FAM178B: variants seen among roughly 807,000 people sequenced by gnomAD.
FAM178B encodes the protein protein FAM178B.
A neutral mutation model predicts 91.7 loss-of-function variants in FAM178B; 82 were observed. The ratio of observed to expected loss-of-function variants is 0.89; its 90% CI spans 0.75 to 1.07. The LOEUF is 1.07. Ranked by LOEUF, FAM178B falls within the 50% of genes least tolerant of loss-of-function variation. The pLI is 0.00. For missense variants in FAM178B, 769 were observed against 846.7 expected, an observed-to-expected ratio of 0.91 and a Z score of 1.14; for synonymous variants, 368 against 359.4, an observed-to-expected ratio of 1.02 and a Z score of -0.27.
At chr2:96,894,558 A>C (rs1574204440) in intron 13 of FAM178B, among the ~76,000 whole-genome samples, 1 of 51,826 alleles carries the variant, frequency 1.9e-5, no homozygotes, top group East Asian at 7.7e-4. Flanking sequence ...CCAGACCCCC[A>C]CACACCCCCA....
intron 4 of FAM178B, among the ~76,000 whole-genome samples, chr2:96,969,813 G>A (rs554542767): frequency 5.9e-5 from 9 of 152,216 alleles, no homozygotes; most frequent in Non-Finnish European, 7.3e-5. Flanking sequence ...ACTCCAGGGC[G>A]GGCCAGAGGG....
chr2:96,883,167 A>G (rs1040925813), intron 14 of FAM178B, among the ~76,000 whole-genome samples: 17 of 152,206 alleles, frequency 1.1e-4, no homozygotes, highest in Non-Finnish European at 2.5e-4. Context: ...AGAGGAAGGG[A>G]GGTCAGCATC....
chr2:96,887,215 A>AAACAACAACAACAAC (rs36102912), intron 14 of FAM178B, among the ~76,000 whole-genome samples: 1 of 150,948 alleles, frequency 6.6e-6, no homozygotes, highest in African/African-American at 2.4e-5. Context: ...ACTCTATCTC[A>AAACAACAACAACAAC]AACAACAACA....
intron 6 of FAM178B, among the ~76,000 whole-genome samples, chr2:96,953,811 A>G (rs2081962414): frequency 1.3e-5 from 2 of 152,310 alleles, no homozygotes; most frequent in East Asian, 1.9e-4. Flanking sequence ...CACGCCCTTC[A>G]GGTTATCACA....
Position 96,986,557 on chromosome 2 carries a change from C to G in FAM178B, c.-244G>C. 1 of 511,390 alleles carries G rather than the reference C, an allele frequency of 2.0e-6. No homozygotes were observed. 31.7% of individuals were successfully genotyped at this position (511,390 alleles called of 1,614,324 possible). A position where few individuals can be genotyped will look rare whatever the true frequency, so the allele number is the denominator to read the frequency against. ...AGCTCACAGCCGCCGCCGCCGCCAGCTGGGGAGCTCGCCGGCCAAGTGCGC... is the reference window on the plus strand; with the variant it reads ...AGCTCACAGCCGCCGCCGCCGCCAGGTGGGGAGCTCGCCGGCCAAGTGCGC... On this transcript the variant is annotated 5_prime_UTR_variant, in exon 1 of 17. Coordinates refer to ENST00000490605, the MANE Select transcript of FAM178B (RefSeq NM_001122646.3).
Position 96,876,223 on chromosome 2 carries a change from C to T in FAM178B, c.*53G>A. On this transcript the variant is annotated 3_prime_UTR_variant, in exon 17 of 17. Coordinates refer to ENST00000490605, the MANE Select transcript of FAM178B (RefSeq NM_001122646.3). Reference sequence around the variant, plus strand: ...CTTCGCTTCCTCCAGTTCCCTGAGCCTGTTCACTTCCTGCTGAAGCCAGGA... The same window carrying T: ...CTTCGCTTCCTCCAGTTCCCTGAGCTTGTTCACTTCCTGCTGAAGCCAGGA... 1 of 1,570,472 alleles carries T rather than the reference C, an allele frequency of 6.4e-7. No homozygotes were observed. Among genetic ancestry groups the T allele is most frequent in the African/African-American group, 1.3e-5 (1 of 74,388 alleles).
chr2:96,986,037 A>G (rs2153376786), intron 1 of FAM178B, among the ~76,000 whole-genome samples: 1 of 152,366 alleles, frequency 6.6e-6, no homozygotes, highest in East Asian at 1.9e-4. Flanking sequence ...CCGGCCGCGC[A>G]GTGGCCTGTG....
At chr2:96,926,318 G>T (rs2081437492) in intron 9 of FAM178B, among the ~76,000 whole-genome samples, 1 of 152,004 alleles carries the variant, frequency 6.6e-6, no homozygotes, top group Non-Finnish European at 1.5e-5. Flanking sequence ...AAAAAGAAAA[G>T]AAAACCAAGT....
At chr2:96,898,147 T>C (rs576577990) in intron 13 of FAM178B, 2 of 980,532 alleles carry the variant, frequency 2.0e-6, no homozygotes, top group South Asian at 9.4e-5. Context: ...CCTTTTACAG[T>C]GAATCGATTG....
chr2:96,892,154 G>A (rs562113527), intron 14 of FAM178B, among the ~76,000 whole-genome samples: 2 of 152,302 alleles, frequency 1.3e-5, no homozygotes, highest in East Asian at 1.9e-4. Context: ...TGGGAGTGGA[G>A]CCCAGTCACC....
chr2:96,958,769 C>G (rs1023448199), intron 6 of FAM178B, among the ~76,000 whole-genome samples: 9 of 124,398 alleles, frequency 7.2e-5, no homozygotes, highest in Non-Finnish European at 1.5e-4. Context: ...CTGATATTAG[C>G]ACTATTAAGA....
At chr2:96,886,587 C>T (rs1415111581) in intron 14 of FAM178B, among the ~76,000 whole-genome samples, 2 of 152,192 alleles carry the variant, frequency 1.3e-5, no homozygotes, top group African/African-American at 4.8e-5. Context: ...CCTTGGGTCC[C>T]TCTAAGTCTG....
intron 12 of FAM178B, among the ~76,000 whole-genome samples, chr2:96,913,779 G>C (rs1221318307): frequency 6.6e-6 from 1 of 152,218 alleles, no homozygotes; most frequent in Non-Finnish European, 1.5e-5. Flanking sequence ...GTGTGGAGCA[G>C]CAGGGTCCCT....
intron 14 of FAM178B, among the ~76,000 whole-genome samples, chr2:96,883,147 G>A (rs1326106226): frequency 6.6e-6 from 1 of 152,208 alleles, no homozygotes; most frequent in African/African-American, 2.4e-5. Flanking sequence ...AGCAGACTGG[G>A]ACTGTCACCA....
intron 7 of FAM178B, among the ~76,000 whole-genome samples, chr2:96,950,431 G>A (rs889895517): frequency 6.6e-6 from 1 of 152,176 alleles, no homozygotes; most frequent in Non-Finnish European, 1.5e-5. Flanking sequence ...CCCAGAGCAC[G>A]AAGGGAGAGC....
chr2:96,952,662 ACT>A (rs1215431927), intron 6 of FAM178B, among the ~76,000 whole-genome samples: 1 of 152,088 alleles, frequency 6.6e-6, no homozygotes, highest in Admixed American at 6.5e-5. Context: ...GGTTGGCTGG[ACT>A]TTGTCACCGT....
intron 8 of FAM178B, among the ~76,000 whole-genome samples, chr2:96,929,848 T>G (rs571358412): frequency 5.9e-4 from 90 of 152,336 alleles, no homozygotes; most frequent in African/African-American, 2.1e-3. Context: ...GCCTGGGGCG[T>G]GTCTCCTAAG....
chr2:96,952,147 C>T (rs991618656), intron 6 of FAM178B, among the ~76,000 whole-genome samples: 21 of 152,132 alleles, frequency 1.4e-4, no homozygotes, highest in African/African-American at 4.8e-4. Flanking sequence ...GTCTTAGCCT[C>T]GGGTTCCTCC....
chr2:96,986,309 C>T lies in FAM178B; in HGVS notation c.5G>A (p.Trp2Ter), dbSNP rs2082423305. 6.5e-7 allele frequency: 1 copy of T among 1,534,146 alleles called. No individual in the cohort carries two copies. The highest frequency in any genetic ancestry group is 2.0e-5 in the Admixed American group (1 of 50,982). M[W>*]PRLPGAGLAP... ...GAGGCCCGCACCTGGAAGCCTTGGC[C>T]ACATAGGGCGGGAAGGGCAGGGCTC... Residue 2 changes from tryptophan to a stop codon, truncating the protein, a stop_gained, in exon 1 of 17, where the codon TGG becomes TAG. Transcript: ENST00000490605. LOFTEE classifies it high-confidence loss of function.
Sources: gnomAD v4.1 joint callset for allele counts (sites outside exome capture counted in the v4.1 genomes callset) on GRCh38, gnomAD v4.1.1 for gene constraint, MANE v1.5 for transcripts, NCBI Gene and HGNC (gene_info 2026-07-23, HGNC 2026-07-21) for gene names.